The following ZNF487 variants were observed in gnomAD, a reference collection of about 807,000 sequenced individuals.
ZNF487 encodes KRAB domain only 1.
A neutral mutation model predicts 3.0 loss-of-function variants in ZNF487; 4 were observed. The observed-to-expected ratio is 1.35, with a 90% confidence interval of 0.66 to 3.08. The LOEUF is 3.08. Ranked by LOEUF, ZNF487 falls within the 30% of genes most tolerant of loss-of-function variation. The pLI is 0.01. For missense variants in ZNF487, 146 were observed against 98.7 expected (o/e 1.48, Z -2.03); for synonymous variants, 55 against 34.6 (o/e 1.59, Z -2.06).
At chr10:43,484,067 C>A (rs1841448421), downstream of ZNF487, among the ~76,000 whole-genome samples, 1 of 151,842 alleles carries the variant, frequency 6.6e-6, no homozygotes. Flanking sequence ...CAGGGTTTCG[C>A]CATGTTGGCG....
the ZNF487 span, chr10:43,523,147 G>T: frequency 6.6e-6 from 1 of 152,184 alleles, no homozygotes; most frequent in Non-Finnish European, 1.5e-5. Context: ...CAGACCAGAT[G>T]CCTGGGCTAT....
At chr10:43,440,071 G>C (rs571618270) in intron 1 of ZNF487, among the ~76,000 whole-genome samples, 2 of 131,444 alleles carry the variant, frequency 1.5e-5, no homozygotes, top group Admixed American at 1.6e-4. Context: ...TTTTTGAGGC[G>C]AAGTTTCACT....
chr10:43,457,617 G>T (rs1453538016), intron 1 of ZNF487, among the ~76,000 whole-genome samples: 1 of 149,522 alleles, frequency 6.7e-6, no homozygotes, highest in Non-Finnish European at 1.5e-5. Flanking sequence ...TTGAACGCGC[G>T]AGTTGGAGGT....
the ZNF487 span, among the ~76,000 whole-genome samples, chr10:43,497,329 G>T: frequency 6.6e-6 from 1 of 152,178 alleles, no homozygotes; most frequent in African/African-American, 2.4e-5. Flanking sequence ...ACCCCTTTGG[G>T]GTCAAAATCA....
At chr10:43,448,429 T>C (rs758035261) in intron 1 of ZNF487, among the ~76,000 whole-genome samples, 2 of 152,186 alleles carry the variant, frequency 1.3e-5, no homozygotes, top group Non-Finnish European at 2.9e-5. Context: ...TCATCTCTTA[T>C]TGAATTCTAA....
At chr10:43,515,515 A>T in the ZNF487 span, among the ~76,000 whole-genome samples, 1 of 152,230 alleles carries the variant, frequency 6.6e-6, no homozygotes, top group Non-Finnish European at 1.5e-5. Context: ...CCTCAGCTTC[A>T]TCAGGGTCCT....
chr10:43,511,734 C>CG, the ZNF487 span, among the ~76,000 whole-genome samples: 1 of 152,182 alleles, frequency 6.6e-6, no homozygotes. Context: ...CATTAGGCGA[C>CG]GACAGGGGTG....
the ZNF487 span, among the ~76,000 whole-genome samples, chr10:43,517,967 C>G: frequency 6.6e-6 from 1 of 152,160 alleles, no homozygotes; most frequent in African/African-American, 2.4e-5. Context: ...TGCTCCTGAC[C>G]AAGGGTCAGC....
the ZNF487 span, among the ~76,000 whole-genome samples, chr10:43,520,572 G>C: frequency 3.9e-5 from 6 of 151,942 alleles, no homozygotes; most frequent in East Asian, 1.2e-3. Flanking sequence ...TGTGGCAAAA[G>C]AACAAAACCA....
the ZNF487 span, among the ~76,000 whole-genome samples, chr10:43,490,427 T>G: frequency 2.7e-5 from 4 of 149,084 alleles, no homozygotes; most frequent in South Asian, 8.5e-4. Context: ...CTTGTGATTT[T>G]CCCCCCATAT....
intron 1 of ZNF487, among the ~76,000 whole-genome samples, chr10:43,438,775 A>G (rs1839473822): frequency 6.6e-6 from 1 of 152,168 alleles, no homozygotes; most frequent in South Asian, 2.1e-4. Flanking sequence ...ATAGAATATC[A>G]TTCAGCCTTA....
At chr10:43,443,577 TTGGCCAGGC>T in intron 1 of ZNF487, among the ~76,000 whole-genome samples, 1 of 151,950 alleles carries the variant, frequency 6.6e-6, no homozygotes, top group South Asian at 2.1e-4. Flanking sequence ...TGTCACCATG[TTGGCCAGGC>T]TGGTCTCGAA....
At chr10:43,501,156 T>C in the ZNF487 span, among the ~76,000 whole-genome samples, 1 of 152,186 alleles carries the variant, frequency 6.6e-6, no homozygotes, top group African/African-American at 2.4e-5. Flanking sequence ...AACACAATGG[T>C]AAGTATTTAT....
chr10:43,445,460 C>A (rs1297357073), intron 1 of ZNF487, among the ~76,000 whole-genome samples: 1 of 152,014 alleles, frequency 6.6e-6, no homozygotes, highest in Non-Finnish European at 1.5e-5. Flanking sequence ...TCTTCTTGAG[C>A]TTTATTCTGG....
the ZNF487 span, among the ~76,000 whole-genome samples, chr10:43,516,036 T>C: frequency 6.6e-6 from 1 of 152,170 alleles, no homozygotes; most frequent in Non-Finnish European, 1.5e-5. Flanking sequence ...CGCCTTGGCC[T>C]CTCAAAGTGC....
At chr10:43,508,810 C>T in the ZNF487 span, among the ~76,000 whole-genome samples, 1 of 151,872 alleles carries the variant, frequency 6.6e-6, no homozygotes. Context: ...TGCATCACTG[C>T]ACTTCAGCCT....
the ZNF487 span, among the ~76,000 whole-genome samples, chr10:43,518,090 G>T: frequency 0.21 from 31,743 of 152,076 alleles, 5,543 homozygotes; most frequent in African/African-American, 0.47. Flanking sequence ...CCCCTTTGGG[G>T]TAAAGATCTC....
chr10:43,497,982 AG>A, the ZNF487 span, among the ~76,000 whole-genome samples: 8 of 30,194 alleles, frequency 2.6e-4, no homozygotes, highest in African/African-American at 4.0e-4. Context: ...AAAAGAAAAA[AG>A]ATATATATAT....
chr10:43,476,197 A>G lies in ZNF487; in HGVS notation c.125A>G (p.His42Arg). The G allele has an allele frequency of 2.8e-6, 2 of 717,146 alleles. No individual in the cohort carries two copies. The highest frequency in any genetic ancestry group is 5.2e-6 in the Non-Finnish European group (2 of 385,038). The allele number at this position is 717,146 out of a possible 1,614,324, so 44.4% of individuals were successfully genotyped here. A position where few individuals can be genotyped will look rare whatever the true frequency, so the allele number is the denominator to read the frequency against. ...GAGGAAGAGTCCCCAAGTCAGAGCC[A>G]CCTAGGTGAGTTAATAAATATATAG... ...ILEEESPSQSHLDCCIDDDLM... is the reference protein window; with the variant it reads ...ILEEESPSQSRLDCCIDDDLM... Residue 42 changes from histidine to arginine, a missense_variant, in exon 3 of 4, where the codon CAC (histidine) becomes CGC (arginine). Transcript: ENST00000437590.
Sources: gnomAD v4.1 joint callset for allele counts (sites outside exome capture counted in the v4.1 genomes callset) on GRCh38, gnomAD v4.1.1 for gene constraint, MANE v1.5 for transcripts, NCBI Gene and HGNC (gene_info 2026-07-23, HGNC 2026-07-21) for gene names.